Variants in PKD1L3 observed in about 807,000 individuals in gnomAD.
The protein encoded by PKD1L3 is polycystin-1-like protein 3.
In PKD1L3, 239 loss-of-function variants were observed where a neutral mutation model predicts 184.1. That is an observed-to-expected ratio of 1.30 (90% confidence interval 1.17 to 1.45). The LOEUF is 1.45. Among genes scored for constraint, PKD1L3 ranks in the 40% most tolerant of loss-of-function variants. PKD1L3 has a pLI of 0.00. For synonymous variants in PKD1L3, 996 were observed against 778.8 expected (o/e 1.28, Z -4.64); for missense variants, 2,660 against 2,067.2 (o/e 1.29, Z -5.56).
chr16:71,936,818 G>A lies in PKD1L3; in HGVS notation c.4452+474C>T, dbSNP rs534547880. Among the ~76,000 whole-genome samples the A allele has an allele frequency of 2.6e-5, 4 of 152,058 alleles. No homozygotes were observed. The South Asian group carries it at 8.3e-4, about 32-fold the overall frequency. ...TGCTCTTTGTTCATCATACTTGCTT[G>A]GTATTACTTCATATAGGGCTAATAA... is the stretch of plus-strand genomic sequence containing the variant. On this transcript the variant is annotated intron_variant, in intron 25 of 29. Coordinates refer to ENST00000620267, the MANE Select transcript of PKD1L3 (RefSeq NM_181536.2).
At chr16:71,944,462 G>A (rs889259572) in intron 22 of PKD1L3, among the ~76,000 whole-genome samples, 1 of 152,108 alleles carries the variant, frequency 6.6e-6, no homozygotes, top group Admixed American at 6.6e-5. Context: ...AAGGCAGCAG[G>A]ATCACTTGAG....
At chr16:71,952,171 C>T (rs1298721582) in intron 18 of PKD1L3, among the ~76,000 whole-genome samples, 1 of 148,000 alleles carries the variant, frequency 6.8e-6, no homozygotes, top group Non-Finnish European at 1.5e-5. Context: ...CTCTCTTCCA[C>T]TGCGTGGGGA....
Position 71,986,404 on chromosome 16 carries a change from T to G in PKD1L3, c.651A>C (p.Val217=). The G allele has an allele frequency of 6.4e-7, 1 of 1,551,884 alleles. No individual in the cohort carries two copies. The change falls in exon 5 of 30, where the codon GTA becomes GTC. Residue 217 remains valine, a synonymous_variant. Coordinates refer to ENST00000620267, the MANE Select transcript of PKD1L3 (RefSeq NM_181536.2). ...PSVLSSITSQ[V]TSAASEPSSQ... ...TGCTGGGTTCAGATGCGGCTGATGT[T>G]ACCTGTGATGTGATACTTGATAGTA...
intron 11 of PKD1L3, among the ~76,000 whole-genome samples, chr16:71,974,405 C>T (rs78265793): frequency 6.6e-6 from 1 of 152,110 alleles, no homozygotes; most frequent in Non-Finnish European, 1.5e-5. Flanking sequence ...CATGGCCAGG[C>T]GCAGTGGCTC....
chr16:71,967,148 G>C lies in PKD1L3; in HGVS notation c.2454C>G (p.Val818=). 1 of 1,551,630 alleles carries C rather than the reference G, an allele frequency of 6.4e-7. No individual in the cohort carries two copies. Among genetic ancestry groups the C allele is most frequent in the Non-Finnish European group, 8.7e-7 (1 of 1,146,904 alleles). The stretch of plus-strand genomic sequence containing the variant: ...ATATAAGTACTCACCAGGAGGGACT[G>C]ACGCCAGAATTGTCATGCCAGAGCC... The part of the protein sequence containing the change: ...SLRLWHDNSG[V]SPSWYVSQVI... Residue 818 remains valine, a synonymous_variant, in exon 15 of 30, where the codon GTC becomes GTG. Transcript: ENST00000620267.
At position 71,984,295 on chromosome 16, in the gene PKD1L3, A is replaced by T. The variant is rs1476859682; in HGVS notation, c.835-128T>A. ...AAACCCTATGAACCACAGCTCTCTA[A>T]AACAGTGATTACTTTCAGAAGCTTT... is the stretch of plus-strand genomic sequence containing the variant. On this transcript the variant is annotated intron_variant, in intron 5 of 29. Transcript: ENST00000620267. The T allele has an allele frequency of 1.2e-5, 10 of 849,630 alleles. No individual in the cohort carries two copies. The Admixed American group carries it at 1.4e-4, about 12-fold the overall frequency. 52.6% of individuals were successfully genotyped at this position (849,630 alleles called of 1,614,324 possible). A position where few individuals can be genotyped will look rare whatever the true frequency, so the allele number is the denominator to read the frequency against.
chr16:71,964,393 C>T (rs1231380439), intron 15 of PKD1L3, among the ~76,000 whole-genome samples: 1 of 125,220 alleles, frequency 8.0e-6, no homozygotes, highest in African/African-American at 3.0e-5. Context: ...GGCTGGAGTG[C>T]AGTGGTGTGA....
chr16:71,963,331 A>G lies in PKD1L3; in HGVS notation c.2486T>C (p.Val829Ala). 6.4e-7 allele frequency: 1 copy of G among 1,550,390 alleles called. No homozygotes were observed. Among genetic ancestry groups the G allele is most frequent in the Non-Finnish European group, 8.7e-7 (1 of 1,146,390 alleles). Residue 829 changes from valine (V) to alanine (A), a missense_variant, in exon 16 of 30, where the codon GTC (valine) becomes GCC (alanine). Val to Ala is a moderately conservative substitution (Grantham distance 64). Transcript: ENST00000620267. ...SPSWYVSQVI[V>A]CDMAVKRKWH... ...CTTCCTCTTAACTGCCATGTCACAG[A>G]CAATTACCTGGCTGACATACCTATA...
intron 28 of PKD1L3, among the ~76,000 whole-genome samples, chr16:71,932,428 C>T (rs1056055660): frequency 5.3e-5 from 8 of 152,118 alleles, no homozygotes; most frequent in Admixed American, 1.3e-4. Flanking sequence ...ACAGAAATAA[C>T]GCAGTTTCTC....
At chr16:71,966,692 A>T (rs908302023) in intron 15 of PKD1L3, among the ~76,000 whole-genome samples, 1 of 152,072 alleles carries the variant, frequency 6.6e-6, no homozygotes, top group Non-Finnish European at 1.5e-5. Context: ...TTGGCCTCCC[A>T]AAGTACTGGG....
At position 71,984,305 on chromosome 16, in the gene PKD1L3, T is replaced by A. The variant is rs1260255595; in HGVS notation, c.835-138A>T. 3 of 788,646 alleles carry A rather than the reference T, an allele frequency of 3.8e-6. No individual in the cohort carries two copies. In the African/African-American group the frequency reaches 5.3e-5, roughly 14 times the overall value. 48.9% of individuals were successfully genotyped at this position (788,646 alleles called of 1,614,324 possible). A position where few individuals can be genotyped will look rare whatever the true frequency, so the allele number is the denominator to read the frequency against. ...AACCACAGCTCTCTAAAACAGTGAT[T>A]ACTTTCAGAAGCTTTTCTGCGAGTG... On this transcript the variant is annotated intron_variant, in intron 5 of 29. Coordinates refer to ENST00000620267, the MANE Select transcript of PKD1L3 (RefSeq NM_181536.2).
At chr16:71,979,745 G>C (rs1337973180) in intron 9 of PKD1L3, 41 bp downstream of exon 9, 2 of 1,465,242 alleles carry the variant, frequency 1.4e-6, no homozygotes, top group Middle Eastern at 1.8e-4. Flanking sequence ...ATGGCCATCA[G>C]ATCCCATTTT....
intron 16 of PKD1L3, among the ~76,000 whole-genome samples, chr16:71,962,125 T>C (rs899719228): frequency 1.3e-5 from 2 of 152,140 alleles, no homozygotes; most frequent in Non-Finnish European, 2.9e-5. Flanking sequence ...GGTTTTGCTA[T>C]GTTGGCCAGG....
At chr16:71,980,249 A>T in intron 7 of PKD1L3, 115 bp from the exon 8 acceptor site, 1 of 1,317,218 alleles carries the variant, frequency 7.6e-7, no homozygotes, top group African/African-American at 1.5e-5. Flanking sequence ...AATGAAGGGT[A>T]GTATTCCTTA....
intron 15 of PKD1L3, among the ~76,000 whole-genome samples, chr16:71,965,834 G>A (rs771444462): frequency 3.3e-5 from 5 of 152,268 alleles, no homozygotes; most frequent in Non-Finnish European, 5.9e-5. Context: ...GATTACAGGC[G>A]TGAGCCACTG....
In PKD1L3 at chr16:71,935,356, ACCTGT is replaced by A; in HGVS notation, c.4610_4613+1del. 6.4e-7 allele frequency: 1 copy of A among 1,551,202 alleles called. No individual in the cohort carries two copies. The highest frequency in any genetic ancestry group is 1.2e-5 in the South Asian group (1 of 83,926). Reference sequence around the variant, plus strand: ...TGCTGTGCCCCTCAGGCTTCCTCTCACCTGTCCTGGTCATCGCGGTATCGTGCCAT... The same window carrying A: ...TGCTGTGCCCCTCAGGCTTCCTCTCACCTGGTCATCGCGGTATCGTGCCAT... On this transcript the variant is annotated splice_donor_variant and coding_sequence_variant, in exon 26 of 30. Coordinates refer to ENST00000620267, the MANE Select transcript of PKD1L3 (RefSeq NM_181536.2). LOFTEE classifies it high-confidence loss of function.
Position 72,000,350 on chromosome 16 carries a change from C to T in PKD1L3, c.-372G>A, listed in dbSNP as rs2040923360. Among the ~76,000 whole-genome samples, 1 of 152,106 alleles carries T rather than the reference C, an allele frequency of 6.6e-6. No homozygotes were observed. The highest frequency in any genetic ancestry group is 1.5e-5 in the Non-Finnish European group (1 of 68,026). On this transcript the variant is annotated 5_prime_UTR_variant, in exon 1 of 30. Transcript: ENST00000620267. ...ATTAATAAGTGTAGCTTTTTCTTTT[C>T]TGAGGCAGGGTCTCATTCTGTTGGT...
At chr16:71,990,164 T>G in intron 4 of PKD1L3, 116 bp downstream of exon 4, 1 of 832,304 alleles carries the variant, frequency 1.2e-6, no homozygotes, top group African/African-American at 1.8e-5. Context: ...TACTTTATTT[T>G]CCTTATTAGA....
rs780460117 is a variant in PKD1L3, at chr16:71,979,793, T to G, written c.1391A>C (p.Asn464Thr). The G allele has an allele frequency of 1.1e-5, 16 of 1,501,210 alleles. No individual in the cohort carries two copies. The highest frequency in any genetic ancestry group is 3.5e-6 in the Non-Finnish European group (4 of 1,129,276). The allele number at this position is 1,501,210 out of a possible 1,614,324, so 93.0% of individuals were successfully genotyped here. The change falls in exon 9 of 30, where the codon AAT (asparagine) becomes ACT (threonine). Residue 464 changes from asparagine to threonine, a missense_variant. Asn to Thr is a moderately conservative substitution (Grantham distance 65). Transcript: ENST00000620267. ...KELLNKHPGV[N>T]VQITGLAFNP... ...AATCAATTTCACACTCACTTGGACA[T>G]TAACTCCTGGATGTTTATTCAAGAG...
Sources: gnomAD v4.1 joint callset for allele counts (sites outside exome capture counted in the v4.1 genomes callset) on GRCh38, gnomAD v4.1.1 for gene constraint, MANE v1.5 for transcripts, NCBI Gene and HGNC (gene_info 2026-07-23, HGNC 2026-07-21) for gene names.